Variants in CPNE5 observed in about 807,000 individuals in gnomAD.
The protein encoded by CPNE5 is copine-5.
CPNE5 carries 42 observed loss-of-function variants against 81.1 expected under a neutral mutation model. The ratio of observed to expected loss-of-function variants is 0.52; its 90% CI spans 0.40 to 0.67. The LOEUF (loss-of-function observed/expected upper bound fraction) is 0.67. Ranked by LOEUF, CPNE5 falls within the 30% of genes least tolerant of loss-of-function variation. The pLI, the probability that CPNE5 is intolerant of heterozygous loss-of-function variation, is 0.00. For missense variants in CPNE5, 612 were observed against 815.5 expected (o/e 0.75, Z 3.04); for synonymous variants, 313 against 321.5 (o/e 0.97, Z 0.28).
At chr6:36,765,299 A>C (rs1259421939) in intron 11 of CPNE5, 36 bp downstream of exon 11, 1 of 1,608,654 alleles carries the variant, frequency 6.2e-7, no homozygotes, top group East Asian at 2.2e-5. Flanking sequence ...CCCCATCCCC[A>C]CTCACCTTCT....
intron 4 of CPNE5, 96 bp downstream of exon 4, chr6:36,799,871 T>A: frequency 1.1e-6 from 1 of 897,376 alleles, no homozygotes. Context: ...CTCCCACTAA[T>A]TTCTCAGCTC....
chr6:36,822,180 A>G lies in CPNE5; in HGVS notation c.137-20T>C. ...CGCACACTGCGGGGGGAGGAGAAACAGTGGATTAATACCTCAGGCCAAGAG... is the reference window on the plus strand; with the variant it reads ...CGCACACTGCGGGGGGAGGAGAAACGGTGGATTAATACCTCAGGCCAAGAG... On this transcript the variant is annotated intron_variant, in intron 2 of 20. Coordinates refer to ENST00000244751, the MANE Select transcript of CPNE5 (RefSeq NM_020939.2). The G allele has an allele frequency of 6.7e-7, 1 of 1,492,802 alleles. No individual in the cohort carries two copies. The highest frequency in any genetic ancestry group is 9.0e-7 in the Non-Finnish European group (1 of 1,108,724). The allele number at this position is 1,492,802 out of a possible 1,614,324, so 92.5% of individuals were successfully genotyped here. A position where few individuals can be genotyped will look rare whatever the true frequency, so the allele number is the denominator to read the frequency against.
intron 9 of CPNE5, 54 bp downstream of exon 9, chr6:36,778,797 CCTT>C: frequency 8.1e-7 from 1 of 1,228,934 alleles, no homozygotes; most frequent in Non-Finnish European, 1.2e-6. Context: ...ACCCGTCCGT[CCTT>C]GACCCCAGAA....
chr6:36,816,394 G>C (rs565949106), intron 3 of CPNE5, among the ~76,000 whole-genome samples: 1 of 152,290 alleles, frequency 6.6e-6, no homozygotes, highest in African/African-American at 2.4e-5. Flanking sequence ...TGACCCAAAT[G>C]GTTAAAACCA....
intron 3 of CPNE5, among the ~76,000 whole-genome samples, chr6:36,808,951 G>C (rs1308209433): frequency 6.6e-6 from 1 of 152,228 alleles, no homozygotes; most frequent in Admixed American, 6.5e-5. Flanking sequence ...TCAATAAGGA[G>C]TTGATATAGT....
Position 36,798,510 on chromosome 6 carries a change from A to G in CPNE5, c.288-16T>C. 1 of 1,613,858 alleles carries G rather than the reference A, an allele frequency of 6.2e-7. No individual in the cohort carries two copies. The highest frequency in any genetic ancestry group is 2.2e-5 in the East Asian group (1 of 44,876). ...AACGTCGTATCTGCAGGGAACACAG[A>G]GAAACGATGAAGGCAGCTGCGGACG... is the stretch of plus-strand genomic sequence containing the variant. On this transcript the variant is annotated splice_polypyrimidine_tract_variant and intron_variant, in intron 4 of 20. Transcript: ENST00000244751.
At chr6:36,793,104 T>G (rs907777098) in intron 7 of CPNE5, among the ~76,000 whole-genome samples, 1 of 152,036 alleles carries the variant, frequency 6.6e-6, no homozygotes, top group Non-Finnish European at 1.5e-5. Flanking sequence ...GCTGGTAAAA[T>G]CCAGCCTCAC....
chr6:36,780,997 C>T (rs182545981), intron 8 of CPNE5, among the ~76,000 whole-genome samples: 1 of 152,176 alleles, frequency 6.6e-6, no homozygotes, highest in Non-Finnish European at 1.5e-5. Flanking sequence ...ACTCTGCCCC[C>T]CTGAGAGAGA....
rs527797208 is a variant in CPNE5, at chr6:36,768,225, C to CTTTTTTTCT, written c.738-2850_738-2849insAGAAAAAAA. On this transcript the variant is annotated intron_variant, in intron 10 of 20. Transcript: ENST00000244751. ...GGCTTTGACTACTCTATTCACAGTT[C>CTTTTTTTCT]TTTTTTTTTTTTTTTTTTTTTTTTT... 2.4e-3 allele frequency among the ~76,000 whole-genome samples: 144 copies of CTTTTTTTCT among 60,512 alleles called. 35 individuals are homozygous for CTTTTTTTCT. Among genetic ancestry groups the CTTTTTTTCT allele is most frequent in the African/African-American group, 4.3e-3 (67 of 15,710 alleles). The allele number at this position is 60,512 out of a possible 152,430, so 39.7% of individuals were successfully genotyped here.
At chr6:36,777,869 C>T (rs779412687) in intron 9 of CPNE5, among the ~76,000 whole-genome samples, 3 of 151,104 alleles carry the variant, frequency 2.0e-5, no homozygotes, top group Non-Finnish European at 2.9e-5. Context: ...TTTGCCCAAA[C>T]GTTTCTCCCT....
intron 3 of CPNE5, among the ~76,000 whole-genome samples, chr6:36,807,333 G>C (rs752967284): frequency 9.9e-5 from 15 of 152,166 alleles, no homozygotes; most frequent in Admixed American, 8.5e-4. Context: ...TTACCTCTCT[G>C]TGCCTCAGTT....
At chr6:36,743,616 A>G in intron 20 of CPNE5, 73 bp downstream of exon 20, 1 of 1,454,644 alleles carries the variant, frequency 6.9e-7, no homozygotes, top group Non-Finnish European at 9.6e-7. Context: ...GAAGCCCCCA[A>G]AGGGGGTGTG....
intron 3 of CPNE5, among the ~76,000 whole-genome samples, chr6:36,818,333 T>C (rs1771743253): frequency 6.6e-6 from 1 of 152,214 alleles, no homozygotes. Context: ...CCCGTTAGGA[T>C]TGTTCATCCA....
intron 1 of CPNE5, chr6:36,827,536 C>T (rs1053390871): frequency 1.5e-5 from 15 of 985,432 alleles, no homozygotes; most frequent in Non-Finnish European, 1.8e-5. Flanking sequence ...CGTCCAAATA[C>T]CACATGTTGA....
chr6:36,771,510 G>A (rs1767032611), intron 10 of CPNE5, among the ~76,000 whole-genome samples: 1 of 152,166 alleles, frequency 6.6e-6, no homozygotes, highest in Non-Finnish European at 1.5e-5. Context: ...GCAGGGCCTG[G>A]CCCATGGTTA....
intron 10 of CPNE5, among the ~76,000 whole-genome samples, chr6:36,773,671 T>G (rs981458042): frequency 6.6e-6 from 1 of 152,092 alleles, no homozygotes; most frequent in Non-Finnish European, 1.5e-5. Flanking sequence ...GGCAGACATT[T>G]TAATACCCAT....
intron 8 of CPNE5, among the ~76,000 whole-genome samples, chr6:36,781,418 A>G (rs1562130535): frequency 6.6e-6 from 1 of 152,214 alleles, no homozygotes; most frequent in Non-Finnish European, 1.5e-5. Context: ...TCCCTATTTT[A>G]CAGATGAAGA....
intron 8 of CPNE5, among the ~76,000 whole-genome samples, chr6:36,782,857 AC>A (rs1768159496): frequency 6.6e-6 from 1 of 151,430 alleles, no homozygotes; most frequent in African/African-American, 2.4e-5. Context: ...ACACACACAC[AC>A]ACACACACAC....
chr6:36,792,530 C>T, intron 7 of CPNE5: 1 of 565,802 alleles, frequency 1.8e-6, no homozygotes, highest in East Asian at 6.6e-5. Context: ...CAGCTCTGAG[C>T]CACTCTGATG....
Sources: allele counts gnomAD v4.1 joint callset (sites outside exome capture counted in the v4.1 genomes callset), GRCh38; gene constraint gnomAD v4.1.1; transcripts MANE v1.5; gene names NCBI Gene and HGNC (gene_info 2026-07-23, HGNC 2026-07-21).